ZFAND3: variants seen among roughly 807,000 people sequenced by gnomAD.
ZFAND3 encodes zinc finger AN1-type containing 3, also known as AN1-type zinc finger protein 3.
In ZFAND3, 10 loss-of-function variants were observed where a neutral mutation model predicts 29.6. The ratio of observed to expected loss-of-function variants is 0.34; its 90% CI spans 0.21 to 0.57. The LOEUF (loss-of-function observed/expected upper bound fraction) is 0.57, where lower values mean the gene tolerates loss of function less well. Among genes scored for constraint, ZFAND3 ranks in the 20% least tolerant of loss-of-function variants. The pLI is 0.86. For synonymous variants in ZFAND3, 128 were observed against 112.6 expected (o/e 1.14, Z -0.87); for missense variants, 230 against 304.5 (o/e 0.76, Z 1.82).
At chr6:38,144,831 A>G (rs918368912) in intron 5 of ZFAND3, among the ~76,000 whole-genome samples, 1 of 152,216 alleles carries the variant, frequency 6.6e-6, no homozygotes, top group African/African-American at 2.4e-5. Flanking sequence ...ATAGTCCAAA[A>G]GTATCCAGAG....
At chr6:37,891,241 T>C (rs1765092756) in intron 1 of ZFAND3, among the ~76,000 whole-genome samples, 1 of 152,212 alleles carries the variant, frequency 6.6e-6, no homozygotes, top group African/African-American at 2.4e-5. Flanking sequence ...CTGCATCATA[T>C]CAGTGCTGCT....
chr6:38,148,519 A>G (rs1436771926), intron 5 of ZFAND3, among the ~76,000 whole-genome samples: 1 of 152,142 alleles, frequency 6.6e-6, no homozygotes, highest in African/African-American at 2.4e-5. Flanking sequence ...ATGACTATAA[A>G]TCCTCTGTGT....
At chr6:37,929,636 T>C (rs916603927) in intron 1 of ZFAND3, among the ~76,000 whole-genome samples, 1 of 152,328 alleles carries the variant, frequency 6.6e-6, no homozygotes, top group Admixed American at 6.5e-5. Context: ...CATACCATCT[T>C]CTGGGCATTT....
intron 2 of ZFAND3, among the ~76,000 whole-genome samples, chr6:38,054,205 A>G (rs778335381): frequency 1.3e-3 from 192 of 143,886 alleles, no homozygotes; most frequent in Admixed American, 2.0e-3. Flanking sequence ...ACATAGTGAG[A>G]CTCCATCTCT....
At chr6:37,920,876 G>T (rs1002236921) in intron 1 of ZFAND3, among the ~76,000 whole-genome samples, 4 of 152,140 alleles carry the variant, frequency 2.6e-5, no homozygotes, top group South Asian at 4.1e-4. Flanking sequence ...TTTGCCTAGG[G>T]TGAGTAGAGA....
At chr6:37,915,525 T>G (rs1021239751) in intron 1 of ZFAND3, 4 of 152,238 alleles carry the variant, frequency 2.6e-5, no homozygotes, top group Non-Finnish European at 5.9e-5. Context: ...GTAGCATTAT[T>G]GACCTAATTT....
intron 4 of ZFAND3, among the ~76,000 whole-genome samples, chr6:38,104,493 A>G (rs901544214): frequency 7.2e-5 from 11 of 152,158 alleles, no homozygotes; most frequent in African/African-American, 2.7e-4. Flanking sequence ...ACTTTTGTGG[A>G]TGAAGTCTTT....
At chr6:37,982,207 C>CTT (rs200719187) in intron 2 of ZFAND3, among the ~76,000 whole-genome samples, 5 of 140,470 alleles carry the variant, frequency 3.6e-5, no homozygotes, top group Admixed American at 7.1e-5. Flanking sequence ...AGGTATGTAG[C>CTT]TTTTTTTTTT....
At chr6:37,820,991 T>G (rs1312946865) in intron 1 of ZFAND3, among the ~76,000 whole-genome samples, 2 of 152,256 alleles carry the variant, frequency 1.3e-5, no homozygotes, top group African/African-American at 4.8e-5. Flanking sequence ...GGCTGGCTTT[T>G]GTGATTTGAG....
chr6:37,944,637 T>A (rs762777995), intron 2 of ZFAND3, among the ~76,000 whole-genome samples: 9 of 152,248 alleles, frequency 5.9e-5, no homozygotes, highest in Non-Finnish European at 1.5e-5. Context: ...CTACAGCGTA[T>A]ATCACGTGGA....
At chr6:37,916,089 A>T (rs1464921519) in intron 1 of ZFAND3, among the ~76,000 whole-genome samples, 5 of 27,928 alleles carry the variant, frequency 1.8e-4, no homozygotes, top group East Asian at 5.9e-4. Context: ...TTTTAACTTA[A>T]AAAAAAAAAA....
intron 1 of ZFAND3, among the ~76,000 whole-genome samples, chr6:37,922,103 C>T (rs1391531539): frequency 2.0e-5 from 3 of 151,944 alleles, no homozygotes; most frequent in Admixed American, 1.3e-4. Flanking sequence ...TAAAATAAAA[C>T]GTTGTTGGCA....
chr6:37,970,789 C>CA (rs1762373761), intron 2 of ZFAND3, among the ~76,000 whole-genome samples: 1 of 152,160 alleles, frequency 6.6e-6, no homozygotes, highest in African/African-American at 2.4e-5. Flanking sequence ...CCTGTAGTCC[C>CA]AGCTACTTGG....
At chr6:37,879,018 C>G (rs1764843079) in intron 1 of ZFAND3, among the ~76,000 whole-genome samples, 2 of 152,178 alleles carry the variant, frequency 1.3e-5, no homozygotes, top group Non-Finnish European at 2.9e-5. Context: ...CCTTCTTGGT[C>G]ACAACTGGAG....
At chr6:37,929,494 A>T (rs1274890985) in intron 1 of ZFAND3, among the ~76,000 whole-genome samples, 1 of 152,242 alleles carries the variant, frequency 6.6e-6, no homozygotes, top group Non-Finnish European at 1.5e-5. Context: ...AAGTTCAGCT[A>T]ATGTTATAGA....
intron 1 of ZFAND3, among the ~76,000 whole-genome samples, chr6:37,837,308 CAG>C (rs1229745616): frequency 2.0e-5 from 3 of 152,058 alleles, no homozygotes; most frequent in Non-Finnish European, 2.9e-5. Context: ...TTAGAGGAGA[CAG>C]TGTGAGGATT....
At chr6:37,989,405 C>G (rs1581817981) in intron 2 of ZFAND3, among the ~76,000 whole-genome samples, 1 of 152,164 alleles carries the variant, frequency 6.6e-6, no homozygotes, top group Non-Finnish European at 1.5e-5. Flanking sequence ...AAGACCCTCT[C>G]CTTGGTTTAC....
intron 3 of ZFAND3, among the ~76,000 whole-genome samples, chr6:38,065,898 C>T (rs1764336832): frequency 6.6e-6 from 1 of 152,152 alleles, no homozygotes; most frequent in South Asian, 2.1e-4. Flanking sequence ...TGAGTGTCTG[C>T]TGTATGTTAG....
chr6:38,115,440 C>CT (rs1394756299), intron 4 of ZFAND3, among the ~76,000 whole-genome samples: 1 of 152,128 alleles, frequency 6.6e-6, no homozygotes, highest in Non-Finnish European at 1.5e-5. Flanking sequence ...GTAACATGAT[C>CT]TAACTTGATT....
Sources: allele counts gnomAD v4.1 joint callset (sites outside exome capture counted in the v4.1 genomes callset), GRCh38; gene constraint gnomAD v4.1.1; transcripts MANE v1.5; gene names NCBI Gene and HGNC (gene_info 2026-07-23, HGNC 2026-07-21).